The following BRIP1 variants were observed in gnomAD, a reference collection of about 807,000 sequenced individuals.
BRIP1 encodes the protein BRCA1 interacting DNA helicase 1.
In BRIP1, 88 loss-of-function variants were observed where a neutral mutation model predicts 119.7. The observed-to-expected ratio is 0.74, with a 90% CI of 0.62 to 0.88. The LOEUF (loss-of-function observed/expected upper bound fraction) is 0.88, where lower values mean the gene tolerates loss of function less well. Among genes scored for constraint, BRIP1 ranks in the 40% least tolerant of loss-of-function variants. BRIP1 has a pLI of 0.00. For missense variants in BRIP1, 1,259 were observed against 1,455.4 expected (o/e 0.87, Z 2.20); for synonymous variants, 443 against 496.5 (o/e 0.89, Z 1.43).
chr17:61,813,116 A>G (rs190258585), intron 6 of BRIP1, among the ~76,000 whole-genome samples: 1 of 152,254 alleles, frequency 6.6e-6, no homozygotes, highest in African/African-American at 2.4e-5. Context: ...ATCAGGAGAG[A>G]TTCTCAAAGG....
Position 61,716,069 on chromosome 17 carries a change from A to G in BRIP1, c.2380-6T>C. On this transcript the variant is annotated splice_region_variant and splice_polypyrimidine_tract_variant and intron_variant, in intron 16 of 19. Transcript: ENST00000259008. ...TATTGTCGTTTTAGTTCAACCTAAT[A>G]ATTTTAAAATATATTTAAAAAATTA... 6.6e-7 allele frequency: 1 copy of G among 1,506,688 alleles called. No homozygotes were observed. The highest frequency in any genetic ancestry group is 9.1e-7 in the Non-Finnish European group (1 of 1,100,824). 93.3% of individuals were successfully genotyped at this position (1,506,688 alleles called of 1,614,324 possible).
In BRIP1 at chr17:61,687,694, ACT is replaced by A. The variant is rs2061381894; in HGVS notation, c.2576-1531_2576-1530del. ...TCTTTAGTAATCACTCCTGGTATTG[ACT>A]CTGAAAACTGTTTACTGTTGGATGA... On this transcript the variant is annotated intron_variant, in intron 18 of 19. Transcript: ENST00000259008. This position sits in a 1 kb window ranked among gnomAD's most constrained non-coding sequence, Gnocchi z 5.1. Among the ~76,000 whole-genome samples, 1 of 152,098 alleles carries A rather than the reference ACT, an allele frequency of 6.6e-6. No individual in the cohort carries two copies. Among genetic ancestry groups the A allele is most frequent in the African/African-American group, 2.4e-5 (1 of 41,400 alleles).
At chr17:61,783,043 G>C (rs1360351342) in intron 11 of BRIP1, among the ~76,000 whole-genome samples, 1 of 152,078 alleles carries the variant, frequency 6.6e-6, no homozygotes, top group East Asian at 1.9e-4. Flanking sequence ...CCACTGCTAG[G>C]TACTTATATA....
rs2061817626 is a variant in BRIP1 at position 61,713,860 on chromosome 17, A to C, written c.2492+2091T>G. ...ACAGAAAAGTTTAAAAAGTAAAAAA[A>C]TAAAAAATAAAAATTTCAAAAATAG... On this transcript the variant is annotated intron_variant, in intron 17 of 19. Transcript: ENST00000259008. This position sits in a 1 kb window ranked among gnomAD's most constrained non-coding sequence, Gnocchi z 4.9. 1.3e-5 allele frequency among the ~76,000 whole-genome samples: 2 copies of C among 152,116 alleles called. No homozygotes were observed. Among genetic ancestry groups the C allele is most frequent in the African/African-American group, 2.4e-5 (1 of 41,452 alleles).
chr17:61,735,815 A>G lies in BRIP1; in HGVS notation c.2379+7198T>C, dbSNP rs1211681548. ...GACCCTGTTTTCAAAAAAATTTAAA[A>G]AAGACTGCCTCTTGGATGGATTAGG... On this transcript the variant is annotated intron_variant, in intron 16 of 19. Transcript: ENST00000259008. This position sits in a 1 kb window ranked among gnomAD's most constrained non-coding sequence, Gnocchi z 4.4. Among the ~76,000 whole-genome samples the G allele has an allele frequency of 1.3e-5, 2 of 151,884 alleles. No homozygotes were observed. Among genetic ancestry groups the G allele is most frequent in the Non-Finnish European group, 2.9e-5 (2 of 67,984 alleles).
At chr17:61,854,419 A>G (rs1567872608) in intron 4 of BRIP1, among the ~76,000 whole-genome samples, 1 of 152,158 alleles carries the variant, frequency 6.6e-6, no homozygotes, top group Non-Finnish European at 1.5e-5. Flanking sequence ...AATTTCTTAA[A>G]AAGTTGGCCA....
rs1272107435 is a variant in BRIP1, at chr17:61,770,856, A to G, written c.2097+5545T>C. On this transcript the variant is annotated intron_variant, in intron 14 of 19. Transcript: ENST00000259008. This position sits in a 1 kb window ranked among gnomAD's most constrained non-coding sequence, Gnocchi z 4.7. ...TATTAGATTCAAAAGGCAATGATAGAGAAATAGAGGGGGAAAAGGCACCAG... is the reference window on the plus strand; with the variant it reads ...TATTAGATTCAAAAGGCAATGATAGGGAAATAGAGGGGGAAAAGGCACCAG... 6.6e-6 allele frequency among the ~76,000 whole-genome samples: 1 copy of G among 152,228 alleles called. No homozygotes were observed. Among genetic ancestry groups the G allele is most frequent in the African/African-American group, 2.4e-5 (1 of 41,474 alleles).
chr17:61,791,885 AC>A (rs1385179365), intron 10 of BRIP1, among the ~76,000 whole-genome samples: 1 of 152,212 alleles, frequency 6.6e-6, no homozygotes, highest in African/African-American at 2.4e-5. Context: ...CATGGATGAA[AC>A]TGGAAGTATT....
At chr17:61,763,459 T>C (rs1183368331) in intron 14 of BRIP1, among the ~76,000 whole-genome samples, 1 of 152,146 alleles carries the variant, frequency 6.6e-6, no homozygotes, top group East Asian at 1.9e-4. Flanking sequence ...AATCTTTTCC[T>C]TGATGACTTT....
At position 61,769,845 on chromosome 17, in the gene BRIP1, G is replaced by T. The variant is rs552911473; in HGVS notation, c.2097+6556C>A. Reference sequence around the variant, plus strand: ...GAAATAGTTAAAAGATAATATTGATGAATTGCTGGAGATAAAATGTGAACT... The same window carrying T: ...GAAATAGTTAAAAGATAATATTGATTAATTGCTGGAGATAAAATGTGAACT... On this transcript the variant is annotated intron_variant, in intron 14 of 19. Transcript: ENST00000259008. The surrounding 1 kb of genome is among the most constrained non-coding windows in gnomAD (Gnocchi z 4.9). 2.6e-5 allele frequency among the ~76,000 whole-genome samples: 4 copies of T among 152,246 alleles called. No individual in the cohort carries two copies. In the South Asian group the frequency reaches 8.3e-4, roughly 32 times the overall value.
In BRIP1 at chr17:61,823,526, G is replaced by A. The variant is rs1272539801; in HGVS notation, c.628-14769C>T. Among the ~76,000 whole-genome samples, 2 of 151,954 alleles carry A rather than the reference G, an allele frequency of 1.3e-5. No individual in the cohort carries two copies. The highest frequency in any genetic ancestry group is 3.9e-4 in the East Asian group (2 of 5,190). On this transcript the variant is annotated intron_variant, in intron 6 of 19. Coordinates refer to ENST00000259008, the MANE Select transcript of BRIP1 (RefSeq NM_032043.3). This position sits in a 1 kb window ranked among gnomAD's most constrained non-coding sequence, Gnocchi z 4.8. ...AAGAGATCAAGGAGCTTGACAAATC[G>A]GCAATAGAAGGTAGACAAAATGAAG...
rs544877022 is a variant in BRIP1 at position 61,803,802 on chromosome 17, A to G, written c.919-2328T>C. 1.6e-4 allele frequency among the ~76,000 whole-genome samples: 24 copies of G among 152,270 alleles called. No individual in the cohort carries two copies. Among genetic ancestry groups the G allele is most frequent in the Middle Eastern group, 6.8e-3 (2 of 294 alleles). Reference sequence around the variant, plus strand: ...TAGGCAATTTGTCAAAAAACTACCAAAATTTAAAATTTTACCATTAATGTG... The same window carrying G: ...TAGGCAATTTGTCAAAAAACTACCAGAATTTAAAATTTTACCATTAATGTG... On this transcript the variant is annotated intron_variant, in intron 7 of 19. Transcript: ENST00000259008. The surrounding 1 kb of genome is among the most constrained non-coding windows in gnomAD (Gnocchi z 4.3).
chr17:61,691,656 A>C lies in BRIP1; in HGVS notation c.2575+1774T>G, dbSNP rs569249502. ...TTTTTAATAGAGATGGGGTTTCACC[A>C]TGTTGGCCAGGCTGGTCTCAAACTC... On this transcript the variant is annotated intron_variant, in intron 18 of 19. Transcript: ENST00000259008. This position sits in a 1 kb window ranked among gnomAD's most constrained non-coding sequence, Gnocchi z 5.0. Among the ~76,000 whole-genome samples the C allele has an allele frequency of 2.0e-5, 3 of 152,268 alleles. No homozygotes were observed. Among genetic ancestry groups the C allele is most frequent in the South Asian group, 4.1e-4 (2 of 4,828 alleles).
Position 61,776,634 on chromosome 17 carries a change from A to T in BRIP1, c.1936-72T>A. 6.7e-7 allele frequency: 1 copy of T among 1,490,478 alleles called. No homozygotes were observed. The highest frequency in any genetic ancestry group is 1.7e-5 in the Admixed American group (1 of 58,802). The allele number at this position is 1,490,478 out of a possible 1,614,324, so 92.3% of individuals were successfully genotyped here. On this transcript the variant is annotated intron_variant, in intron 13 of 19. Transcript: ENST00000259008. This position sits in a 1 kb window ranked among gnomAD's most constrained non-coding sequence, Gnocchi z 5.0. ...TGGAAATTAGTATTTATTTGGAAGTATGTACATAAAAGATCAAGCAACAAG... is the reference window on the plus strand; with the variant it reads ...TGGAAATTAGTATTTATTTGGAAGTTTGTACATAAAAGATCAAGCAACAAG...
rs2077220281 is a variant in BRIP1 at position 61,757,826 on chromosome 17, C to A, written c.2098-13235G>T. Among the ~76,000 whole-genome samples the A allele has an allele frequency of 6.6e-6, 1 of 151,414 alleles. No individual in the cohort carries two copies. The highest frequency in any genetic ancestry group is 2.1e-4 in the South Asian group (1 of 4,788). On this transcript the variant is annotated intron_variant, in intron 14 of 19. Transcript: ENST00000259008. The surrounding 1 kb of genome is among the most constrained non-coding windows in gnomAD (Gnocchi z 4.3). ...ACCAGCCTGGGCAACATGGCTAAAC[C>A]CCATCTCTACAAAAAAAATAACTGG... is the stretch of plus-strand genomic sequence containing the variant.
rs2078780171 is a variant in BRIP1 at position 61,849,207 on chromosome 17, C to T, written c.429G>A (p.Gln143=). The part of the protein sequence containing the change: ...TLAAKLSAKK[Q]ASIYRDENDD... ...CATTTTCATCTCTGTATATGGATGC[C>T]TGTTTCTTAGCAGATAACTTTGCAG... The change falls in exon 5 of 20, where the codon CAG becomes CAA. Residue 143 remains glutamine (Q), a synonymous_variant. Transcript: ENST00000259008. 1 of 1,612,918 alleles carries T rather than the reference C, an allele frequency of 6.2e-7. No individual in the cohort carries two copies. The highest frequency in any genetic ancestry group is 2.2e-5 in the East Asian group (1 of 44,770).
intron 17 of BRIP1, among the ~76,000 whole-genome samples, chr17:61,702,013 G>C (rs537320669): frequency 4.5e-4 from 68 of 152,304 alleles, no homozygotes; most frequent in Non-Finnish European, 7.1e-4. Flanking sequence ...AAAGCTTACT[G>C]TTCTTACTGC....
chr17:61,813,522 T>C (rs796482084), intron 6 of BRIP1, among the ~76,000 whole-genome samples: 5 of 152,196 alleles, frequency 3.3e-5, no homozygotes, highest in African/African-American at 1.2e-4. Flanking sequence ...ATGTCCTAAT[T>C]TGAAGTGCTG....
rs763936904 is a variant in BRIP1 at position 61,708,058 on chromosome 17, G to T, written c.2492+7893C>A. Reference sequence around the variant, plus strand: ...GATGGGGTTTCACCATGTTGGCCAGGCTGGTCTCAAACTGCTGACCTCAAG... The same window carrying T: ...GATGGGGTTTCACCATGTTGGCCAGTCTGGTCTCAAACTGCTGACCTCAAG... On this transcript the variant is annotated intron_variant, in intron 17 of 19. Coordinates refer to ENST00000259008, the MANE Select transcript of BRIP1 (RefSeq NM_032043.3). This position sits in a 1 kb window ranked among gnomAD's most constrained non-coding sequence, Gnocchi z 4.4. Among the ~76,000 whole-genome samples, 1 of 152,038 alleles carries T rather than the reference G, an allele frequency of 6.6e-6. No individual in the cohort carries two copies. Among genetic ancestry groups the T allele is most frequent in the African/African-American group, 2.4e-5 (1 of 41,388 alleles).
Sources: gnomAD v4.1 joint callset for allele counts (sites outside exome capture counted in the v4.1 genomes callset) on GRCh38, gnomAD v4.1.1 for gene constraint, Gnocchi (gnomAD v3.1) non-coding constraint, MANE v1.5 for transcripts, NCBI Gene and HGNC (gene_info 2026-07-23, HGNC 2026-07-21) for gene names.